The following MUC7 variants were observed in gnomAD, a reference collection of about 807,000 sequenced individuals.
MUC7 encodes mucin 7, secreted.
Under a neutral mutation model 2.5 loss-of-function variants are expected in MUC7, and 2 were observed. The observed-to-expected ratio is 0.81, with a 90% CI of 0.33 to 2.55. The LOEUF (loss-of-function observed/expected upper bound fraction) is 2.55. MUC7 is among the 30% of genes most tolerant of loss of function. The probability of loss-of-function intolerance (pLI) is 0.11; values close to 1 mark genes in which losing one functional copy is unlikely to be tolerated. For synonymous variants in MUC7, 133 were observed against 173.4 expected, an observed-to-expected ratio of 0.77 and a Z score of 1.83; for missense variants, 408 against 455.6, an observed-to-expected ratio of 0.90 and a Z score of 0.95.
At chr4:70,434,443 C>A (rs934845892) in intron 1 of MUC7, among the ~76,000 whole-genome samples, 2 of 152,124 alleles carry the variant, frequency 1.3e-5, no homozygotes, top group Non-Finnish European at 2.9e-5. Context: ...CTAGTGTACT[C>A]TTGGGAGGGT....
chr4:70,461,895 A>C (rs1258340112), intron 1 of MUC7, among the ~76,000 whole-genome samples: 1 of 152,212 alleles, frequency 6.6e-6, no homozygotes, highest in African/African-American at 2.4e-5. Context: ...CTAATACAAA[A>C]GAAATAGGCA....
intron 1 of MUC7, among the ~76,000 whole-genome samples, chr4:70,473,111 A>C (rs1172586667): frequency 1.3e-5 from 2 of 152,174 alleles, no homozygotes; most frequent in Non-Finnish European, 2.9e-5. Context: ...ACAATGAATA[A>C]AGAATAATTC....
intron 1 of MUC7, among the ~76,000 whole-genome samples, chr4:70,446,177 G>C (rs1228768029): frequency 6.6e-6 from 1 of 152,186 alleles, no homozygotes; most frequent in Non-Finnish European, 1.5e-5. Context: ...TACTATGCCT[G>C]CAATGCCATG....
intron 1 of MUC7, among the ~76,000 whole-genome samples, chr4:70,435,011 G>C (rs1030031402): frequency 6.6e-6 from 1 of 152,144 alleles, no homozygotes; most frequent in East Asian, 1.9e-4. Context: ...ATGTAGTTGT[G>C]CGGTTTTGAG....
rs1481406044 is a variant in MUC7 at position 70,481,443 on chromosome 4, G to A, written c.699G>A (p.Glu233=). The A allele has an allele frequency of 1.3e-6, 2 of 1,484,184 alleles. No homozygotes were observed. The highest frequency in any genetic ancestry group is 3.2e-5 in the East Asian group (1 of 31,444). The allele number at this position is 1,484,184 out of a possible 1,614,324, so 91.9% of individuals were successfully genotyped here. A position where few individuals can be genotyped will look rare whatever the true frequency, so the allele number is the denominator to read the frequency against. ...PAPPSSSAPP[E]TTAAPPTPSA... ...CACCATCTTCCTCAGCTCCACCAGA[G>A]ACCACAGCTGCCCCACCCACACCTT... The change falls in exon 3 of 3, where the codon GAG becomes GAA. Residue 233 remains glutamate, a synonymous_variant. Coordinates refer to ENST00000304887, the MANE Select transcript of MUC7 (RefSeq NM_152291.3).
chr4:70,439,838 A>G (rs1181931330), intron 1 of MUC7, among the ~76,000 whole-genome samples: 1 of 152,130 alleles, frequency 6.6e-6, no homozygotes. Flanking sequence ...TATGTTTAAT[A>G]TCTTTAAACA....
chr4:70,450,129 C>A (rs966887980), intron 1 of MUC7, among the ~76,000 whole-genome samples: 2 of 152,218 alleles, frequency 1.3e-5, no homozygotes, highest in Admixed American at 6.5e-5. Context: ...ACGTACTGTT[C>A]TATTGTACTG....
intron 1 of MUC7, among the ~76,000 whole-genome samples, chr4:70,465,480 C>A (rs1320840157): frequency 1.3e-5 from 2 of 152,102 alleles, no homozygotes; most frequent in African/African-American, 4.8e-5. Flanking sequence ...TAACCCAATG[C>A]AAGGAAGCTA....
chr4:70,446,342 T>A (rs965926089), intron 1 of MUC7, among the ~76,000 whole-genome samples: 7 of 152,110 alleles, frequency 4.6e-5, no homozygotes, highest in Non-Finnish European at 7.4e-5. Flanking sequence ...TCTCTCACAG[T>A]TTTATAGGCT....
At chr4:70,461,700 C>G (rs1369062224) in intron 1 of MUC7, among the ~76,000 whole-genome samples, 1 of 151,708 alleles carries the variant, frequency 6.6e-6, no homozygotes, top group Non-Finnish European at 1.5e-5. Flanking sequence ...GAGCCTTACT[C>G]AAGGGAAAGA....
chr4:70,444,849 C>T (rs373473028), intron 1 of MUC7, among the ~76,000 whole-genome samples: 16 of 152,130 alleles, frequency 1.1e-4, no homozygotes, highest in African/African-American at 2.9e-4. Context: ...GTCAGGAGTT[C>T]GAGACCAGCC....
At position 70,481,976 on chromosome 4, in the gene MUC7, A is replaced by G; in HGVS notation, c.*98A>G. ...TTAGCACCAATCCCAACATGAAATTATATTACTCAGATTTAAAGCACTATC... is the reference window on the plus strand; with the variant it reads ...TTAGCACCAATCCCAACATGAAATTGTATTACTCAGATTTAAAGCACTATC... On this transcript the variant is annotated 3_prime_UTR_variant, in exon 3 of 3. Transcript: ENST00000304887. 2 of 1,361,612 alleles carry G rather than the reference A, an allele frequency of 1.5e-6. No homozygotes were observed. Among genetic ancestry groups the G allele is most frequent in the Non-Finnish European group, 2.0e-6 (2 of 1,001,044 alleles). The allele number at this position is 1,361,612 out of a possible 1,614,324, so 84.3% of individuals were successfully genotyped here. A position where few individuals can be genotyped will look rare whatever the true frequency, so the allele number is the denominator to read the frequency against.
chr4:70,448,029 G>C (rs939462721), intron 1 of MUC7, among the ~76,000 whole-genome samples: 1 of 152,036 alleles, frequency 6.6e-6, no homozygotes, highest in Non-Finnish European at 1.5e-5. Context: ...AAATAGGTGG[G>C]AACTTGCCAA....
At chr4:70,432,547 T>A (rs1055562278) in intron 1 of MUC7, among the ~76,000 whole-genome samples, 1 of 152,244 alleles carries the variant, frequency 6.6e-6, no homozygotes, top group African/African-American at 2.4e-5. Flanking sequence ...AATGTCTTCT[T>A]TTGAGAAATG....
At position 70,438,456 on chromosome 4, in the gene MUC7, T is replaced by TTTTGTTTTGTTTTGGTTTGG. The variant is rs1553917928; in HGVS notation, c.-93+7773_-93+7774insTTTTGTTTTGGTTTGGTTTG. Among the ~76,000 whole-genome samples, 4 of 151,350 alleles carry TTTTGTTTTGTTTTGGTTTGG rather than the reference T, an allele frequency of 2.6e-5. 1 individual carries two copies. Among genetic ancestry groups the TTTTGTTTTGTTTTGGTTTGG allele is most frequent in the African/African-American group, 7.3e-5 (3 of 41,060 alleles). Reference sequence around the variant, plus strand: ...TTTTGTTTTGTTTTGTTTTGTTTTGTTTTGGTTTGGTTTGGTTTTGAGACA... The same window carrying TTTTGTTTTGTTTTGGTTTGG: ...TTTTGTTTTGTTTTGTTTTGTTTTGTTTTGTTTTGTTTTGGTTTGGTTTGGTTTGGTTTGGTTTTGAGACA... On this transcript the variant is annotated intron_variant, in intron 1 of 3. Transcript: ENST00000413702.
intron 2 of MUC7, among the ~76,000 whole-genome samples, chr4:70,478,446 A>C (rs1033925884): frequency 6.6e-6 from 1 of 152,106 alleles, no homozygotes. Flanking sequence ...AAAGCAAATA[A>C]AATTAGACTT....
chr4:70,463,747 C>T (rs545105164), intron 1 of MUC7, among the ~76,000 whole-genome samples: 3 of 152,156 alleles, frequency 2.0e-5, no homozygotes, highest in East Asian at 1.9e-4. Context: ...GCTTTAACAC[C>T]GTAAGAACAT....
upstream of MUC7, among the ~76,000 whole-genome samples, chr4:70,469,652 A>C (rs1444236497): frequency 6.6e-6 from 1 of 152,264 alleles, no homozygotes; most frequent in Non-Finnish European, 1.5e-5. Context: ...CAAATATATG[A>C]AAAAAGGCTC....
intron 2 of MUC7, among the ~76,000 whole-genome samples, 173 bp downstream of exon 2, chr4:70,474,248 C>T (rs1326279815): frequency 6.6e-6 from 1 of 152,074 alleles, no homozygotes; most frequent in African/African-American, 2.4e-5. Context: ...TGGCTCACAC[C>T]TCTAATCCCA....
Sources: gnomAD v4.1 joint callset for allele counts (sites outside exome capture counted in the v4.1 genomes callset) on GRCh38, gnomAD v4.1.1 for gene constraint, MANE v1.5 for transcripts, NCBI Gene and HGNC (gene_info 2026-07-23, HGNC 2026-07-21) for gene names.